The following TAAR1 variants were observed in gnomAD, a reference collection of about 807,000 sequenced individuals.
TAAR1 encodes trace amine associated receptor 1.
TAAR1 carries 1 observed loss-of-function variant against 1.2 expected under a neutral mutation model. That is an observed-to-expected ratio of 0.81 (90% CI 0.29 to 3.86). TAAR1 has a LOEUF of 3.86. TAAR1 is among the 30% of genes most tolerant of loss of function. The pLI is 0.18. For missense variants in TAAR1, 445 were observed against 405.6 expected (o/e 1.10, Z -0.83); for synonymous variants, 153 against 132.2 (o/e 1.16, Z -1.08).
intron 1 of TAAR1, among the ~76,000 whole-genome samples, chr6:132,647,594 AAGAG>A (rs1383658750): frequency 7.0e-6 from 1 of 141,944 alleles, no homozygotes; most frequent in Non-Finnish European, 1.6e-5. Context: ...GAAAGAAAGA[AAGAG>A]AAAGAAAAAA....
At chr6:132,655,138 A>G (rs1777790475) in intron 1 of TAAR1, among the ~76,000 whole-genome samples, 1 of 152,222 alleles carries the variant, frequency 6.6e-6, no homozygotes, top group Non-Finnish European at 1.5e-5. Flanking sequence ...GGCAGCTACT[A>G]TAGAAGCAGG....
intron 1 of TAAR1, among the ~76,000 whole-genome samples, chr6:132,650,913 A>T (rs1431596132): frequency 6.6e-6 from 1 of 152,164 alleles, no homozygotes; most frequent in Non-Finnish European, 1.5e-5. Flanking sequence ...TCATTTATCG[A>T]CTACCCCTTT....
chr6:132,650,868 C>A (rs1212082832), intron 1 of TAAR1, among the ~76,000 whole-genome samples: 1 of 152,144 alleles, frequency 6.6e-6, no homozygotes, highest in African/African-American at 2.4e-5. Flanking sequence ...TAATACTTTC[C>A]ACCTTAAAAG....
At chr6:132,650,770 A>G (rs998948981) in intron 1 of TAAR1, among the ~76,000 whole-genome samples, 20 of 152,120 alleles carry the variant, frequency 1.3e-4, no homozygotes, top group African/African-American at 4.1e-4. Context: ...CCATCTCTTT[A>G]TGCCTATTCC....
chr6:132,648,943 A>G (rs1027218844), intron 1 of TAAR1, among the ~76,000 whole-genome samples: 2 of 152,212 alleles, frequency 1.3e-5, no homozygotes, highest in Admixed American at 1.3e-4. Context: ...TTTGAAAATG[A>G]CATATGAATT....
intron 1 of TAAR1, among the ~76,000 whole-genome samples, chr6:132,647,629 AAAG>A (rs1777694945): frequency 3.7e-5 from 3 of 81,790 alleles, no homozygotes; most frequent in African/African-American, 2.5e-4. Context: ...AAAAGGAAAG[AAAG>A]AAAGAAAGAA....
At chr6:132,648,415 C>T (rs952424047) in intron 1 of TAAR1, among the ~76,000 whole-genome samples, 2 of 152,176 alleles carry the variant, frequency 1.3e-5, no homozygotes, top group African/African-American at 2.4e-5. Context: ...ACAAATTTCA[C>T]TTTTAGAAGA....
chr6:132,645,800 C>G lies in TAAR1; in HGVS notation c.204G>C (p.Val68=). The G allele has an allele frequency of 6.2e-7, 1 of 1,613,736 alleles. No homozygotes were observed. The change falls in exon 2 of 2, where the codon GTG becomes GTC. Residue 68 remains valine, a synonymous_variant. Coordinates refer to ENST00000275216, the MANE Select transcript of TAAR1 (RefSeq NM_138327.4). ...TGACCAGACACCCCAGAAGAAAGTC[C>G]ACAGTGGCCATGGAATGAATGAGCC... ...TNWLIHSMAT[V]DFLLGCLVMP...
In TAAR1 at chr6:132,650,915, T is replaced by G. The variant is rs73557831; in HGVS notation, c.-126-4786A>C. On this transcript the variant is annotated intron_variant, in intron 1 of 1. Coordinates refer to ENST00000275216, the MANE Select transcript of TAAR1 (RefSeq NM_138327.4). ...CTCACATCTTCTTTCATTTATCGAC[T>G]ACCCCTTTATCAGAAAGGAACCCTT... Among the ~76,000 whole-genome samples the G allele has an allele frequency of 3.5e-3, 527 of 152,336 alleles. 5 individuals are homozygous for G. Among genetic ancestry groups the G allele is most frequent in the African/African-American group, 0.012 (506 of 41,578 alleles).
At position 132,654,262 on chromosome 6, in the gene TAAR1, C is replaced by G. The variant is rs78269368; in HGVS notation, c.-127+4868G>C. On this transcript the variant is annotated intron_variant, in intron 1 of 1. Coordinates refer to ENST00000275216, the MANE Select transcript of TAAR1 (RefSeq NM_138327.4). ...ACACACTTTCAAATCTAGCAAGGTT[C>G]TATCCTGGATGAGAGTGCTGTTGGC... Among the ~76,000 whole-genome samples, 98 of 152,344 alleles carry G rather than the reference C, an allele frequency of 6.4e-4. 1 individual carries two copies. The East Asian group carries it at 0.015, about 24-fold the overall frequency.
At chr6:132,647,656 GAA>G (rs1303355176) in intron 1 of TAAR1, among the ~76,000 whole-genome samples, 2 of 147,594 alleles carry the variant, frequency 1.4e-5, no homozygotes, top group Admixed American at 6.8e-5. Flanking sequence ...AAGAAAGAAA[GAA>G]AGAAAGAAAG....
chr6:132,655,654 T>G, intron 1 of TAAR1, among the ~76,000 whole-genome samples: 1 of 152,254 alleles, frequency 6.6e-6, no homozygotes, highest in African/African-American at 2.4e-5. Context: ...CGATCTGATT[T>G]GACTTTTCTA....
intron 1 of TAAR1, among the ~76,000 whole-genome samples, chr6:132,651,728 A>G (rs1192610757): frequency 6.6e-6 from 1 of 152,180 alleles, no homozygotes; most frequent in African/African-American, 2.4e-5. Context: ...CACAGAAAGT[A>G]TCCCCAACAA....
chr6:132,647,636 GAAAGAAAGAAAGAAAGAA>G (rs1777696009), intron 1 of TAAR1, among the ~76,000 whole-genome samples: 1 of 104,414 alleles, frequency 9.6e-6, no homozygotes, highest in African/African-American at 5.4e-5. Context: ...AAGAAAGAAA[GAAAGAAAGAAAGAAAGAA>G]AGAAAGAAAG....
At chr6:132,656,171 A>G (rs921311402) in intron 1 of TAAR1, among the ~76,000 whole-genome samples, 5 of 152,172 alleles carry the variant, frequency 3.3e-5, no homozygotes, top group African/African-American at 4.8e-5. Flanking sequence ...ACAACCAAAC[A>G]AAAAGAAAAC....
At chr6:132,646,856 A>C (rs1562202633) in intron 1 of TAAR1, among the ~76,000 whole-genome samples, 1 of 152,152 alleles carries the variant, frequency 6.6e-6, no homozygotes, top group Non-Finnish European at 1.5e-5. Context: ...TTACTAGTTC[A>C]GTTTCTTTGA....
At chr6:132,650,219 C>G (rs924885530) in intron 1 of TAAR1, among the ~76,000 whole-genome samples, 1 of 152,118 alleles carries the variant, frequency 6.6e-6, no homozygotes, top group Non-Finnish European at 1.5e-5. Flanking sequence ...TTTTTCAACT[C>G]GAAGCCCTCA....
In TAAR1 at chr6:132,645,861, A is replaced by G. The variant is rs754384214; in HGVS notation, c.143T>C (p.Ile48Thr). Residue 48 changes from isoleucine to threonine, a missense_variant, in exon 2 of 2, where the codon ATA (isoleucine) becomes ACA (threonine). By Grantham distance (89) the Ile-to-Thr change is moderately conservative. Coordinates refer to ENST00000275216, the MANE Select transcript of TAAR1 (RefSeq NM_138327.4). ...GGTATGAAGTTGTTTGAAGTGTGAT[A>G]TAGAAACAATAACTATCAGATTGCC... is the stretch of plus-strand genomic sequence containing the variant. ...LVGNLIVIVS[I>T]SHFKQLHTPT... 9 of 1,613,706 alleles carry G rather than the reference A, an allele frequency of 5.6e-6. No homozygotes were observed. The African/African-American group carries it at 9.3e-5, about 17-fold the overall frequency.
At chr6:132,656,193 A>C (rs529770943) in intron 1 of TAAR1, among the ~76,000 whole-genome samples, 5 of 152,180 alleles carry the variant, frequency 3.3e-5, no homozygotes, top group African/African-American at 1.2e-4. Context: ...AAAACAAAAA[A>C]AACTATTTTC....
Sources: allele counts gnomAD v4.1 joint callset (sites outside exome capture counted in the v4.1 genomes callset), GRCh38; gene constraint gnomAD v4.1.1; transcripts MANE v1.5; gene names NCBI Gene and HGNC (gene_info 2026-07-23, HGNC 2026-07-21).